The following MMP26 variants were observed in gnomAD, a reference collection of about 807,000 sequenced individuals.
The protein encoded by MMP26 is matrix metalloproteinase-26.
MMP26 carries 33 observed loss-of-function variants against 31.0 expected under a neutral mutation model. That is an observed-to-expected ratio of 1.06 (90% CI 0.81 to 1.42). The LOEUF (loss-of-function observed/expected upper bound fraction) is 1.42. Ranked by LOEUF, MMP26 falls within the 40% of genes most tolerant of loss-of-function variation. MMP26 has a pLI of 0.00. For synonymous variants in MMP26, 122 were observed against 114.9 expected (o/e 1.06, Z -0.40); for missense variants, 347 against 316.1 (o/e 1.10, Z -0.74).
chr11:4,795,600 A>G (rs1226858234), intron 2 of MMP26, among the ~76,000 whole-genome samples: 1 of 152,218 alleles, frequency 6.6e-6, no homozygotes. Context: ...TAAGCATTTC[A>G]AAGGTTAAAT....
At chr11:4,847,998 G>T in intron 2 of MMP26, 1 of 487,002 alleles carries the variant, frequency 2.1e-6, no homozygotes, top group Non-Finnish European at 3.6e-6. Context: ...ACAAGATCTG[G>T]ACTCTGGCCC....
At chr11:4,765,843 T>C (rs1326565161) in intron 1 of MMP26, among the ~76,000 whole-genome samples, 1 of 152,232 alleles carries the variant, frequency 6.6e-6, no homozygotes, top group African/African-American at 2.4e-5. Context: ...TTACACAGTC[T>C]ATTCCAGCAT....
At chr11:4,976,887 A>G (rs1040909835) in intron 2 of MMP26, among the ~76,000 whole-genome samples, 1 of 151,934 alleles carries the variant, frequency 6.6e-6, no homozygotes, top group Non-Finnish European at 1.5e-5. Flanking sequence ...TTCACAATTT[A>G]TTTTCCTAAG....
chr11:4,966,617 C>G (rs2133626550), intron 2 of MMP26, among the ~76,000 whole-genome samples: 1 of 152,326 alleles, frequency 6.6e-6, no homozygotes, highest in East Asian at 1.9e-4. Flanking sequence ...TCTCTGTCAT[C>G]AACCCTCTTG....
chr11:4,860,082 C>T (rs1373898511), intron 2 of MMP26: 1 of 470,948 alleles, frequency 2.1e-6, no homozygotes, highest in East Asian at 6.9e-5. Context: ...TAAGGAAGGG[C>T]ACAGGGAATA....
At chr11:4,854,668 C>G (rs1266738484) in intron 2 of MMP26, among the ~76,000 whole-genome samples, 1 of 152,232 alleles carries the variant, frequency 6.6e-6, no homozygotes, top group Admixed American at 6.5e-5. Flanking sequence ...GCAGCAGAAA[C>G]TTCTGCAGAC....
At chr11:4,750,407 A>G (rs548399418) in intron 1 of MMP26, among the ~76,000 whole-genome samples, 1 of 152,110 alleles carries the variant, frequency 6.6e-6, no homozygotes, top group African/African-American at 2.4e-5. Flanking sequence ...TGAGCTGGCA[A>G]TTCCACTACT....
chr11:4,866,392 T>C (rs1850234881), intron 2 of MMP26, among the ~76,000 whole-genome samples: 1 of 152,142 alleles, frequency 6.6e-6, no homozygotes, highest in African/African-American at 2.4e-5. Context: ...CCATGATACC[T>C]TGTTTATAAC....
intron 2 of MMP26, chr11:4,848,886 T>C (rs145052637): frequency 2.7e-5 from 43 of 1,613,982 alleles, no homozygotes; most frequent in Non-Finnish European, 3.5e-5. Context: ...AAAAACCATC[T>C]GTAGAAGGCA....
intron 2 of MMP26, among the ~76,000 whole-genome samples, chr11:4,797,945 G>A (rs1313447185): frequency 6.6e-6 from 1 of 152,140 alleles, no homozygotes; most frequent in East Asian, 1.9e-4. Flanking sequence ...TAATCCAAAA[G>A]GTGCTACTTA....
chr11:4,991,400 C>T lies in MMP26; in HGVS notation c.499C>T (p.Pro167Ser), dbSNP rs201141902. Residue 167 changes from proline to serine, a missense_variant, in exon 6 of 8, where the codon CCA (proline) becomes TCA (serine). Physicochemically the swap from Pro to Ser is moderately conservative, Grantham distance 74 (BLOSUM62 -1). Coordinates refer to ENST00000380390, the MANE Select transcript of MMP26 (RefSeq NM_021801.5). ...TGAAGATGGTTGGCCCTTTGATGGG[C>T]CAGGTGGTATCTTAGGCCATGCCTT... ...AHEDGWPFDG[P>S]GGILGHAFLP... is the part of the protein sequence containing the mutation. 46 of 1,613,802 alleles carry T rather than the reference C, an allele frequency of 2.9e-5. No individual in the cohort carries two copies. Among genetic ancestry groups the T allele is most frequent in the Admixed American group, 1.5e-4 (9 of 60,020 alleles).
At position 4,923,628 on chromosome 11, in the gene MMP26, G is replaced by A. The variant is rs758470497; in HGVS notation, c.-144-64440G>A. On this transcript the variant is annotated intron_variant, in intron 2 of 7. Coordinates refer to ENST00000380390, the MANE Select transcript of MMP26 (RefSeq NM_021801.5). ...TGAGAGACACAGGTGTTGAGGGCTC[G>A]GAGTCGCTCCTGGTGGGAGGCAATG... 2.0e-5 allele frequency: 33 copies of A among 1,613,902 alleles called. No individual in the cohort carries two copies. In the East Asian group the frequency reaches 2.2e-4, roughly 11 times the overall value.
At chr11:4,764,797 C>T (rs564789125) in intron 1 of MMP26, among the ~76,000 whole-genome samples, 178 of 152,164 alleles carry the variant, frequency 1.2e-3, no homozygotes, top group African/African-American at 3.8e-3. Context: ...GGCGTGAACC[C>T]GGGAGGTGGA....
chr11:4,806,871 G>C (rs1382045060), intron 2 of MMP26, among the ~76,000 whole-genome samples: 1 of 152,060 alleles, frequency 6.6e-6, no homozygotes, highest in East Asian at 1.9e-4. Context: ...GACTTTCCAA[G>C]CTGTTTTGTA....
chr11:4,918,459 G>A (rs1240469621), intron 2 of MMP26, among the ~76,000 whole-genome samples: 1 of 152,128 alleles, frequency 6.6e-6, no homozygotes, highest in African/African-American at 2.4e-5. Flanking sequence ...GAATAATGAG[G>A]ATAGGTTAGA....
At chr11:4,961,992 CCT>C (rs1846527588) in intron 2 of MMP26, among the ~76,000 whole-genome samples, 3 of 151,958 alleles carry the variant, frequency 2.0e-5, no homozygotes, top group Admixed American at 1.3e-4. Context: ...TGGAGCAACC[CCT>C]GTTTTTTTCT....
chr11:4,748,595 A>C (rs1848410035), intron 1 of MMP26, among the ~76,000 whole-genome samples: 1 of 151,540 alleles, frequency 6.6e-6, no homozygotes, highest in Non-Finnish European at 1.5e-5. Flanking sequence ...AAAAAAACAC[A>C]ACAATGAAGC....
Position 4,943,447 on chromosome 11 carries a change from C to T in MMP26, c.-144-44621C>T, listed in dbSNP as rs118113726. ...CAAGGTAATTTGTTTAACCATGGGGCTTAATCATTTGTTATTTGATAGTTA... is the reference window on the plus strand; with the variant it reads ...CAAGGTAATTTGTTTAACCATGGGGTTTAATCATTTGTTATTTGATAGTTA... On this transcript the variant is annotated intron_variant, in intron 2 of 7. Transcript: ENST00000380390. 4.7e-4 allele frequency: 216 copies of T among 455,658 alleles called. 2 individuals carry two copies. The East Asian group carries it at 0.014, about 29-fold the overall frequency. The allele number at this position is 455,658 out of a possible 1,614,324, so 28.2% of individuals were successfully genotyped here. A position where few individuals can be genotyped will look rare whatever the true frequency, so the allele number is the denominator to read the frequency against.
At chr11:4,915,170 G>T (rs746296376) in intron 2 of MMP26, 16 of 1,613,956 alleles carry the variant, frequency 9.9e-6, no homozygotes, top group Admixed American at 6.7e-5. Context: ...GAGCATAAAA[G>T]GTAATGGAAA....
Sources: allele counts gnomAD v4.1 joint callset (sites outside exome capture counted in the v4.1 genomes callset), GRCh38; gene constraint gnomAD v4.1.1; transcripts MANE v1.5; gene names NCBI Gene and HGNC (gene_info 2026-07-23, HGNC 2026-07-21).